AFMID: variants seen among roughly 807,000 people sequenced by gnomAD.
AFMID encodes the protein kynurenine formamidase.
In AFMID, 39 loss-of-function variants were observed where a neutral mutation model predicts 47.5. The observed-to-expected ratio is 0.82, with a 90% CI of 0.64 to 1.07. The LOEUF (loss-of-function observed/expected upper bound fraction) is 1.07. Among genes scored for constraint, AFMID ranks in the 50% least tolerant of loss-of-function variants. AFMID has a pLI of 0.00. For missense variants in AFMID, 375 were observed against 387.5 expected, an observed-to-expected ratio of 0.97 and a Z score of 0.27; for synonymous variants, 130 against 153.2, an observed-to-expected ratio of 0.85 and a Z score of 1.12.
Position 78,187,380 on chromosome 17 carries a change from G to T in AFMID, c.10G>T (p.Val4Leu). ...TGCGGCTGTAGACGCCATGATGGAT[G>T]TGTCTGGTGTGGGTTTCCCAAGCAA... MMD[V>L]SGVGFPSKVP... The change falls in exon 1 of 11, where the codon GTG becomes TTG. Residue 4 changes from valine (V) to leucine (L), a missense_variant. Physicochemically the swap from Val to Leu is conservative, Grantham distance 32. Transcript: ENST00000409257. 13 of 1,613,974 alleles carry T rather than the reference G, an allele frequency of 8.1e-6. No individual in the cohort carries two copies. The highest frequency in any genetic ancestry group is 1.1e-5 in the Non-Finnish European group (13 of 1,179,974).
intron 1 of AFMID, 62 bp downstream of exon 1, chr17:78,187,495 G>A: frequency 6.3e-7 from 1 of 1,596,288 alleles, no homozygotes; most frequent in Non-Finnish European, 8.6e-7. Context: ...TATTAGATTG[G>A]AATTCCAAGA....
intron 2 of AFMID, among the ~76,000 whole-genome samples, chr17:78,196,700 T>C (rs1448926399): frequency 6.6e-6 from 1 of 152,070 alleles, no homozygotes; most frequent in African/African-American, 2.4e-5. Context: ...ACCCAGAAAT[T>C]ATTTCTAACC....
intron 2 of AFMID, among the ~76,000 whole-genome samples, chr17:78,195,396 T>C (rs1350382057): frequency 1.3e-5 from 2 of 150,878 alleles, no homozygotes; most frequent in Admixed American, 6.6e-5. Context: ...GGTTTCGCCA[T>C]GTTGGCCAGG....
chr17:78,202,258 A>T (rs537640564), intron 2 of AFMID, among the ~76,000 whole-genome samples: 10 of 147,446 alleles, frequency 6.8e-5, no homozygotes, highest in East Asian at 6.1e-4. Flanking sequence ...TCTACTAAAA[A>T]ATATATATAT....
rs1351924731 is a variant in AFMID at position 78,202,702 on chromosome 17, G to T, written c.260-1G>T. The T allele has an allele frequency of 2.4e-5, 38 of 1,561,078 alleles. No individual in the cohort carries two copies. The highest frequency in any genetic ancestry group is 3.2e-5 in the Non-Finnish European group (37 of 1,152,414). ...CACACGCCCTGTGCTTGGTTTTGCA[G>T]CCTTGCCTTTCTTCCTGTTCTTTCA... On this transcript the variant is annotated splice_acceptor_variant, in intron 3 of 10. Coordinates refer to ENST00000409257, the MANE Select transcript of AFMID (RefSeq NM_001010982.5). LOFTEE classifies it high-confidence loss of function.
At position 78,195,070 on chromosome 17, in the gene AFMID, A is replaced by G. The variant is rs530043553; in HGVS notation, c.154+4010A>G. On this transcript the variant is annotated intron_variant, in intron 2 of 10. Coordinates refer to ENST00000409257, the MANE Select transcript of AFMID (RefSeq NM_001010982.5). ...GATACAAAAGTTCAAATTCTGTATG[A>G]TTTCATTTAAATGAGGTCCCTAGAG... Among the ~76,000 whole-genome samples the G allele has an allele frequency of 6.6e-5, 10 of 152,322 alleles. No homozygotes were observed. The East Asian group carries it at 1.9e-3, about 29-fold the overall frequency.
At chr17:78,191,384 G>A (rs911175430) in intron 2 of AFMID, among the ~76,000 whole-genome samples, 4 of 152,120 alleles carry the variant, frequency 2.6e-5, no homozygotes, top group African/African-American at 7.2e-5. Flanking sequence ...ACAGAGGAAC[G>A]TTCCCCATCC....
intron 2 of AFMID, chr17:78,197,577 G>C (rs958580006): frequency 1.5e-5 from 3 of 206,278 alleles, no homozygotes; most frequent in South Asian, 7.5e-5. Flanking sequence ...CTGGTATTTT[G>C]TTATAGCCGC....
At chr17:78,205,276 G>A (rs147905298) in intron 7 of AFMID, 86 bp downstream of exon 7, 634 of 1,461,008 alleles carry the variant, frequency 4.3e-4, no homozygotes, top group Non-Finnish European at 5.2e-4. Flanking sequence ...AAATCCTCCC[G>A]GCCATGAGTG....
intron 2 of AFMID, among the ~76,000 whole-genome samples, chr17:78,200,115 A>G (rs930812884): frequency 1.3e-5 from 2 of 151,044 alleles, no homozygotes; most frequent in African/African-American, 2.4e-5. Context: ...CTGGGAACCT[A>G]TGAAGGTATT....
intron 2 of AFMID, among the ~76,000 whole-genome samples, chr17:78,194,091 A>T (rs1339768132): frequency 6.7e-6 from 1 of 149,268 alleles, no homozygotes; most frequent in Non-Finnish European, 1.5e-5. Flanking sequence ...TCAAGGCTGC[A>T]TATTTCTTTA....
intron 4 of AFMID, 31 bp downstream of exon 4, chr17:78,202,782 AAG>A (rs1567853142): frequency 6.4e-7 from 1 of 1,551,534 alleles, no homozygotes; most frequent in African/African-American, 1.4e-5. Context: ...GGTGGACTGC[AAG>A]AGAGATTCCA....
intron 1 of AFMID, 25 bp from the exon 2 acceptor site, chr17:78,190,945 G>A (rs745908060): frequency 2.1e-5 from 33 of 1,608,212 alleles, no homozygotes; most frequent in Non-Finnish European, 2.4e-5. Flanking sequence ...AAAGTCTTAC[G>A]GAGCCTCATG....
intron 1 of AFMID, among the ~76,000 whole-genome samples, chr17:78,190,494 A>G (rs1330825006): frequency 1.3e-5 from 2 of 152,060 alleles, no homozygotes; most frequent in African/African-American, 4.8e-5. Flanking sequence ...CCCAGGCTTA[A>G]GCAATTCTCC....
chr17:78,197,313 C>A, intron 2 of AFMID: 1 of 1,104,752 alleles, frequency 9.1e-7, no homozygotes, highest in Non-Finnish European at 1.3e-6. Context: ...GCCTTTTGAC[C>A]CAGAATTCTA....
chr17:78,204,922 T>G (rs1698118172), intron 6 of AFMID, 22 bp downstream of exon 6: 1 of 1,614,026 alleles, frequency 6.2e-7, no homozygotes, highest in African/African-American at 1.3e-5. Flanking sequence ...CAGTAGATTT[T>G]CTTCCTGTTG....
chr17:78,191,563 C>T (rs1423472495), intron 2 of AFMID, among the ~76,000 whole-genome samples: 2 of 152,016 alleles, frequency 1.3e-5, no homozygotes, highest in South Asian at 2.1e-4. Context: ...ATTCCAGCTA[C>T]TCGGGAACCT....
chr17:78,191,079 C>CT lies in AFMID; in HGVS notation c.154+19_154+20insT. On this transcript the variant is annotated intron_variant, in intron 2 of 10. Transcript: ENST00000409257. ...ATTGAAGGTACTAGTGTGACCTCTC[C>CT]GTGGCCGCATTGGGTGTCCTTAAGC... 6.2e-7 allele frequency: 1 copy of CT among 1,607,004 alleles called. No homozygotes were observed. The highest frequency in any genetic ancestry group is 8.5e-7 in the Non-Finnish European group (1 of 1,174,668).
In AFMID at chr17:78,191,016, G is replaced by C. The variant is rs765702222; in HGVS notation, c.110G>C (p.Gly37Ala). The C allele has an allele frequency of 6.2e-7, 1 of 1,614,116 alleles. No individual in the cohort carries two copies. Among genetic ancestry groups the C allele is most frequent in the Admixed American group, 1.7e-5 (1 of 60,006 alleles). The change falls in exon 2 of 11, where the codon GGA becomes GCA. Residue 37 changes from glycine to alanine, a missense_variant. By Grantham distance (60) the Gly-to-Ala change is moderately conservative (BLOSUM62 0). Coordinates refer to ENST00000409257, the MANE Select transcript of AFMID (RefSeq NM_001010982.5). ...YCPSRWVVRL[G>A]AEEALRTYSQ... ...CCCAGCCGATGGGTTGTCCGACTGG[G>C]AGCAGAGGAAGCCTTGAGGACCTAC... is the stretch of plus-strand genomic sequence containing the variant.
Sources: allele counts gnomAD v4.1 joint callset (sites outside exome capture counted in the v4.1 genomes callset), GRCh38; gene constraint gnomAD v4.1.1; transcripts MANE v1.5; gene names NCBI Gene and HGNC (gene_info 2026-07-23, HGNC 2026-07-21).